The following ACYP2 variants were observed in gnomAD, a reference collection of about 807,000 sequenced individuals.
ACYP2 encodes acylphosphatase-2.
In ACYP2, 12 loss-of-function variants were observed where a neutral mutation model predicts 11.2. The observed-to-expected ratio is 1.08, with a 90% CI of 0.69 to 1.74. The LOEUF is 1.74. Among genes scored for constraint, ACYP2 ranks in the 40% most tolerant of loss-of-function variants. The pLI, the probability that ACYP2 is intolerant of heterozygous loss-of-function variation, is 0.00. For synonymous variants in ACYP2, 43 were observed against 32.2 expected (o/e 1.33, Z -1.13); for missense variants, 134 against 101.9 (o/e 1.31, Z -1.35).
intron 2 of ACYP2, among the ~76,000 whole-genome samples, chr2:54,004,644 T>C (rs1253946925): frequency 6.7e-6 from 1 of 150,196 alleles, no homozygotes; most frequent in Admixed American, 6.6e-5. Context: ...TCTCCTGACC[T>C]TGTGATCGGC....
At chr2:54,020,596 G>C (rs1356205834) in intron 2 of ACYP2, among the ~76,000 whole-genome samples, 2 of 152,158 alleles carry the variant, frequency 1.3e-5, no homozygotes, top group African/African-American at 4.8e-5. Context: ...AAAATTATTG[G>C]AACACATCTA....
intron 2 of ACYP2, among the ~76,000 whole-genome samples, chr2:54,034,599 A>T (rs1352067188): frequency 6.6e-6 from 1 of 152,214 alleles, no homozygotes; most frequent in Non-Finnish European, 1.5e-5. Flanking sequence ...CTACGATGAA[A>T]TTGCTTAACA....
intron 6 of ACYP2, among the ~76,000 whole-genome samples, chr2:54,246,247 G>A (rs891300022): frequency 6.6e-6 from 1 of 151,956 alleles, no homozygotes; most frequent in African/African-American, 2.4e-5. Context: ...TTTAGAATTT[G>A]TTTGTCTCAT....
chr2:54,180,018 TG>T (rs1184740778), intron 6 of ACYP2, among the ~76,000 whole-genome samples: 1 of 152,142 alleles, frequency 6.6e-6, no homozygotes, highest in Admixed American at 6.5e-5. Context: ...TGGCTTCAAG[TG>T]GGGGTTCCCA....
At chr2:54,246,131 C>T (rs843647) in intron 6 of ACYP2, among the ~76,000 whole-genome samples, 63,295 of 151,794 alleles carry the variant, frequency 0.42, 13,424 homozygotes, top group South Asian at 0.57. Context: ...CCCCAATTAA[C>T]GTTCTTGGCA....
intron 2 of ACYP2, among the ~76,000 whole-genome samples, chr2:54,021,052 T>C (rs1179688290): frequency 6.6e-6 from 1 of 152,184 alleles, no homozygotes; most frequent in Non-Finnish European, 1.5e-5. Flanking sequence ...GAAGGGGTTT[T>C]ATTCCTGATG....
chr2:54,296,303 G>T (rs573387257), intron 6 of ACYP2, among the ~76,000 whole-genome samples: 2 of 152,168 alleles, frequency 1.3e-5, no homozygotes, highest in Non-Finnish European at 2.9e-5. Flanking sequence ...CAATAAATGC[G>T]TGGTGCTTAC....
chr2:54,023,011 G>A lies in ACYP2; in HGVS notation c.63-27947G>A, dbSNP rs1674083824. 2.0e-5 allele frequency among the ~76,000 whole-genome samples: 3 copies of A among 152,176 alleles called. No individual in the cohort carries two copies. The South Asian group carries it at 6.2e-4, about 32-fold the overall frequency. On this transcript the variant is annotated intron_variant, in intron 2 of 6. Transcript: ENST00000607452. ...TTATTAAGGCTCCCATATCATATAA[G>A]ACTTACATTAAATAAGTTTGTATTC...
At chr2:54,241,677 C>A (rs1016200757) in intron 6 of ACYP2, among the ~76,000 whole-genome samples, 1 of 152,096 alleles carries the variant, frequency 6.6e-6, no homozygotes, top group African/African-American at 2.4e-5. Context: ...TCACTTGTAT[C>A]AGATTTATTT....
intron 4 of ACYP2, among the ~76,000 whole-genome samples, chr2:54,095,024 G>A (rs1678443815): frequency 6.7e-6 from 1 of 148,980 alleles, no homozygotes. Context: ...CTAGGCAGAG[G>A]ACCCTGCGGC....
intron 2 of ACYP2, among the ~76,000 whole-genome samples, chr2:54,037,879 G>A (rs1021604697): frequency 2.6e-5 from 4 of 152,276 alleles, no homozygotes; most frequent in Admixed American, 2.6e-4. Flanking sequence ...TAAACTATGA[G>A]AAACTTGGAA....
intron 2 of ACYP2, among the ~76,000 whole-genome samples, chr2:53,990,652 C>CAA (rs80058534): frequency 4.0e-5 from 2 of 49,570 alleles, no homozygotes; most frequent in Non-Finnish European, 9.2e-5. Context: ...TCCGTCTTAC[C>CAA]AAAAAAAAAA....
At chr2:54,033,910 A>G (rs1216698396) in intron 2 of ACYP2, among the ~76,000 whole-genome samples, 1 of 152,248 alleles carries the variant, frequency 6.6e-6, no homozygotes, top group Admixed American at 6.5e-5. Flanking sequence ...TGCTGTCAAG[A>G]CCAAATGAAT....
chr2:54,078,269 T>C (rs1677451321), intron 4 of ACYP2, among the ~76,000 whole-genome samples: 1 of 151,848 alleles, frequency 6.6e-6, no homozygotes, highest in African/African-American at 2.4e-5. Flanking sequence ...TTCTGTCTCA[T>C]CTCTGACACG....
chr2:54,123,121 G>A, intron 4 of ACYP2: 1 of 370,566 alleles, frequency 2.7e-6, no homozygotes, highest in Non-Finnish European at 4.8e-6. Flanking sequence ...AATTTACCCA[G>A]TAGATGAGTC....
chr2:54,183,430 G>T (rs1251423412), intron 6 of ACYP2, among the ~76,000 whole-genome samples: 1 of 151,852 alleles, frequency 6.6e-6, no homozygotes, highest in African/African-American at 2.4e-5. Flanking sequence ...ACTTTAGGAG[G>T]CTGAGGCAGA....
chr2:54,048,628 G>A (rs1203481958), intron 2 of ACYP2, among the ~76,000 whole-genome samples: 1 of 152,182 alleles, frequency 6.6e-6, no homozygotes, highest in East Asian at 1.9e-4. Flanking sequence ...AGCCACCAGA[G>A]TAGCTGTGAT....
At chr2:54,129,050 T>C (rs529370705) in intron 4 of ACYP2, among the ~76,000 whole-genome samples, 5 of 152,258 alleles carry the variant, frequency 3.3e-5, no homozygotes, top group Admixed American at 2.0e-4. Flanking sequence ...CCTGGTCAAT[T>C]TGGCACCCAT....
chr2:53,977,001 A>C (rs547480273), intron 2 of ACYP2, among the ~76,000 whole-genome samples: 1 of 152,220 alleles, frequency 6.6e-6, no homozygotes, highest in South Asian at 2.1e-4. Context: ...CTCCTTGTAG[A>C]ATTCCTATTA....
Sources: gnomAD v4.1 joint callset for allele counts (sites outside exome capture counted in the v4.1 genomes callset) on GRCh38, gnomAD v4.1.1 for gene constraint, MANE v1.5 for transcripts, NCBI Gene and HGNC (gene_info 2026-07-23, HGNC 2026-07-21) for gene names.